Variants in GPR153 observed in about 807,000 individuals in gnomAD.
GPR153 encodes the protein G protein-coupled receptor 153.
GPR153 carries 27 observed loss-of-function variants against 34.1 expected under a neutral mutation model. The observed-to-expected ratio is 0.79, with a 90% CI of 0.58 to 1.09. GPR153 has a LOEUF of 1.09. Among genes scored for constraint, GPR153 ranks in the 50% least tolerant of loss-of-function variants. The pLI, the probability that GPR153 is intolerant of heterozygous loss-of-function variation, is 0.00. For missense variants in GPR153, 848 were observed against 860.2 expected (o/e 0.99, Z 0.18); for synonymous variants, 408 against 405.4 (o/e 1.01, Z -0.08).
chr1:6,260,383 C>CCA (rs1638646985), intron 1 of GPR153, among the ~76,000 whole-genome samples: 1 of 58,422 alleles, frequency 1.7e-5, no homozygotes, highest in African/African-American at 7.5e-5. Context: ...CGATCCCCCC[C>CCA]CCCCCCCGCA....
rs1375282316 is a variant in GPR153, at chr1:6,249,394, AG to A, written c.1773del (p.Ser592ProfsTer95). The A allele has an allele frequency of 7.3e-7, 1 of 1,365,196 alleles. No individual in the cohort carries two copies. Among genetic ancestry groups the A allele is most frequent in the Non-Finnish European group, 9.4e-7 (1 of 1,062,792 alleles). 84.6% of individuals were successfully genotyped at this position (1,365,196 alleles called of 1,614,324 possible). ...AGCGTGGCGTAGCCCGAGGACTCGG[AG>A]GGGGAACTCAGGAAGCTGCTGGTGC... ...GGSTSSFLSSPSESSGYATLH... is the reference protein window; with the variant it reads ...GGSTSSFLSSXSESSGYATLH... On this transcript the variant is annotated frameshift_variant, in exon 6 of 6. Transcript: ENST00000377893. LOFTEE classifies it high-confidence loss of function. The surrounding 1 kb of genome is among the most constrained non-coding windows in gnomAD (Gnocchi z 4.3).
At chr1:6,256,544 AT>A (rs1638572402) in intron 1 of GPR153, among the ~76,000 whole-genome samples, 3 of 151,604 alleles carry the variant, frequency 2.0e-5, no homozygotes, top group Middle Eastern at 6.8e-3. Context: ...ATTTTTTTGT[AT>A]TTTTAGTAGT....
rs143679794 is a variant in GPR153, at chr1:6,250,498, C to A, written c.1106G>T (p.Gly369Val). 1.9e-6 allele frequency: 3 copies of A among 1,609,556 alleles called. No homozygotes were observed. Among genetic ancestry groups the A allele is most frequent in the African/African-American group, 1.3e-5 (1 of 74,890 alleles). ...AKYEISALEG[G>V]LPQLYPLRPL... ...CCGCAGTGGGTAGAGCTGGGGCAGG[C>A]CCCCCTCCAGGGCGGAGATCTCATA... The change falls in exon 5 of 6, where the codon GGC becomes GTC. Residue 369 changes from glycine (G) to valine (V), a missense_variant. Transcript: ENST00000377893.
rs970980141 is a variant in GPR153, at chr1:6,249,000, C to T, written c.*338G>A. The stretch of plus-strand genomic sequence containing the variant: ...GTGGCCCTGTCTCAGGTTCCCTGCT[C>T]CCGACGTCCTGTTGCGCAGGGCTGG... On this transcript the variant is annotated 3_prime_UTR_variant, in exon 6 of 6. Transcript: ENST00000377893. The T allele has an allele frequency of 1.4e-5, 3 of 214,304 alleles. No individual in the cohort carries two copies. Among genetic ancestry groups the T allele is most frequent in the African/African-American group, 6.8e-5 (3 of 43,818 alleles). The allele number at this position is 214,304 out of a possible 1,614,324, so 13.3% of individuals were successfully genotyped here.
chr1:6,255,359 C>T lies in GPR153; in HGVS notation c.-109-345G>A, dbSNP rs1057393504. 2.0e-5 allele frequency among the ~76,000 whole-genome samples: 3 copies of T among 150,756 alleles called. No homozygotes were observed. The South Asian group carries it at 6.3e-4, about 32-fold the overall frequency. On this transcript the variant is annotated intron_variant, in intron 1 of 5. Coordinates refer to ENST00000377893, the MANE Select transcript of GPR153 (RefSeq NM_207370.4). ...GACTACAGGCGCCTGCCACCACACC[C>T]GGCTAATTTTTGTATTTTTAGTAGA...
At chr1:6,259,341 C>A (rs1276695551) in intron 1 of GPR153, among the ~76,000 whole-genome samples, 1 of 152,120 alleles carries the variant, frequency 6.6e-6, no homozygotes, top group Non-Finnish European at 1.5e-5. Context: ...AGTGAGTGCC[C>A]CCACAATTCA....
chr1:6,257,586 A>G (rs578107000), intron 1 of GPR153, among the ~76,000 whole-genome samples: 1 of 152,280 alleles, frequency 6.6e-6, no homozygotes, highest in East Asian at 1.9e-4. Context: ...TCTGGCACAC[A>G]CTGGGTGCTC....
At chr1:6,256,149 G>A (rs1376158549) in intron 1 of GPR153, among the ~76,000 whole-genome samples, 1 of 152,002 alleles carries the variant, frequency 6.6e-6, no homozygotes, top group Non-Finnish European at 1.5e-5. Context: ...CTTTACAAAA[G>A]GGCTTCCAGG....
In GPR153 at chr1:6,247,369, GT is replaced by G. The variant is rs1305512582; in HGVS notation, c.*1968del. 1 of 152,242 alleles carries G rather than the reference GT, an allele frequency of 6.6e-6. No individual in the cohort carries two copies. Among genetic ancestry groups the G allele is most frequent in the African/African-American group, 2.4e-5 (1 of 41,460 alleles). The allele number at this position is 152,242 out of a possible 1,614,324, so 9.4% of individuals were successfully genotyped here. ...AATGCCAGGTGCAAATCATAAGGAAGTTTTTATTGGGTCCTGTACAGAAGAG... is the reference window on the plus strand; with the variant it reads ...AATGCCAGGTGCAAATCATAAGGAAGTTTTATTGGGTCCTGTACAGAAGAG... On this transcript the variant is annotated 3_prime_UTR_variant, in exon 6 of 6. Transcript: ENST00000377893.
intron 4 of GPR153, 151 bp from the exon 5 acceptor site, chr1:6,250,775 T>C: frequency 1.8e-6 from 1 of 569,764 alleles, no homozygotes. Flanking sequence ...ATGGGAGGGG[T>C]TCTGGGTTCA....
Position 6,249,390 on chromosome 1 carries a change from T to G in GPR153, c.1778A>C (p.Glu593Ala). 1 of 1,372,698 alleles carries G rather than the reference T, an allele frequency of 7.3e-7. No individual in the cohort carries two copies. The highest frequency in any genetic ancestry group is 9.4e-7 in the Non-Finnish European group (1 of 1,069,222). 85.0% of individuals were successfully genotyped at this position (1,372,698 alleles called of 1,614,324 possible). A position where few individuals can be genotyped will look rare whatever the true frequency, so the allele number is the denominator to read the frequency against. Residue 593 changes from glutamate (E) to alanine (A), a missense_variant, in exon 6 of 6, where the codon GAG becomes GCG. Transcript: ENST00000377893. This position sits in a 1 kb window ranked among gnomAD's most constrained non-coding sequence, Gnocchi z 4.3. ...GTGCAGCGTGGCGTAGCCCGAGGAC[T>G]CGGAGGGGGAACTCAGGAAGCTGCT... ...STSSFLSSPSESSGYATLHSD... is the reference protein window; with the variant it reads ...STSSFLSSPSASSGYATLHSD...
chr1:6,251,660 TG>T lies in GPR153; in HGVS notation c.787-131del. On this transcript the variant is annotated intron_variant, in intron 3 of 5. Coordinates refer to ENST00000377893, the MANE Select transcript of GPR153 (RefSeq NM_207370.4). This position sits in a 1 kb window ranked among gnomAD's most constrained non-coding sequence, Gnocchi z 4.9. ...GTATCTGCCAAGGAGAAGGGGCCCT[TG>T]GGGAGAAAAGAGCTGGAGCGTGGCA... 1 of 1,065,838 alleles carries T rather than the reference TG, an allele frequency of 9.4e-7. No individual in the cohort carries two copies. Among genetic ancestry groups the T allele is most frequent in the South Asian group, 1.7e-5 (1 of 57,994 alleles). The allele number at this position is 1,065,838 out of a possible 1,614,324, so 66.0% of individuals were successfully genotyped here. A position where few individuals can be genotyped will look rare whatever the true frequency, so the allele number is the denominator to read the frequency against.
Position 6,251,968 on chromosome 1 carries a change from CCT to C in GPR153, c.787-440_787-439del, listed in dbSNP as rs1459263784. The stretch of plus-strand genomic sequence containing the variant: ...GAATCACTGTGCCCGGCTGCCATCC[CCT>C]TTTTGAGATGAGGAAACTGAGGCTT... On this transcript the variant is annotated intron_variant, in intron 3 of 5. Transcript: ENST00000377893. The surrounding 1 kb of genome is among the most constrained non-coding windows in gnomAD (Gnocchi z 4.9). 6.6e-6 allele frequency among the ~76,000 whole-genome samples: 1 copy of C among 152,156 alleles called. No individual in the cohort carries two copies. Among genetic ancestry groups the C allele is most frequent in the East Asian group, 1.9e-4 (1 of 5,186 alleles).
rs1638399417 is a variant in GPR153 at position 6,249,875 on chromosome 1, G to A, written c.1293C>T (p.Ala431=). 7 of 1,285,164 alleles carry A rather than the reference G, an allele frequency of 5.4e-6. No individual in the cohort carries two copies. Among genetic ancestry groups the A allele is most frequent in the Non-Finnish European group, 6.9e-6 (7 of 1,012,502 alleles). The allele number at this position is 1,285,164 out of a possible 1,614,324, so 79.6% of individuals were successfully genotyped here. The change falls in exon 6 of 6, where the codon GCC becomes GCT. Residue 431 remains alanine, a synonymous_variant. Transcript: ENST00000377893. The surrounding 1 kb of genome is among the most constrained non-coding windows in gnomAD (Gnocchi z 4.3). The stretch of plus-strand genomic sequence containing the variant: ...GGCTGGCGCGGCGCCGCTCGGGCCC[G>A]GCAGGCAGCACCAGGTGCGCCAGGG... ...LAALAHLVLP[A]GPERRRASLL... is the part of the protein sequence containing the mutation.
chr1:6,259,008 C>T (rs1041065262), intron 1 of GPR153, among the ~76,000 whole-genome samples: 12 of 152,242 alleles, frequency 7.9e-5, no homozygotes, highest in African/African-American at 2.9e-4. Flanking sequence ...TGCCTGTAAT[C>T]CTAGCACTCG....
chr1:6,254,593 A>G lies in GPR153; in HGVS notation c.313T>C (p.Ser105Pro). Residue 105 changes from serine (S) to proline (P), a missense_variant, in exon 2 of 6, where the codon TCC (serine) becomes CCC (proline). By Grantham distance (74) the Ser-to-Pro change is moderately conservative. Transcript: ENST00000377893. ...LATCFSVTSL[S>P]YHRMWMVCWP... ...CAGACCATCCACATGCGGTGGTAGG[A>G]GAGGGAGGTGACAGAGAAACAGGTG... 6.2e-7 allele frequency: 1 copy of G among 1,601,770 alleles called. No homozygotes were observed. Among genetic ancestry groups the G allele is most frequent in the African/African-American group, 1.3e-5 (1 of 74,860 alleles).
At chr1:6,259,759 A>G (rs1638632170) in intron 1 of GPR153, among the ~76,000 whole-genome samples, 1 of 152,104 alleles carries the variant, frequency 6.6e-6, no homozygotes, top group South Asian at 2.1e-4. Flanking sequence ...TGTGGGAACA[A>G]AGTGTCCCTC....
chr1:6,256,848 G>A (rs1638578368), intron 1 of GPR153, among the ~76,000 whole-genome samples: 1 of 151,966 alleles, frequency 6.6e-6, no homozygotes, highest in South Asian at 2.1e-4. Context: ...TAAGTACTGT[G>A]TTACAACAGC....
intron 3 of GPR153, among the ~76,000 whole-genome samples, chr1:6,253,458 G>C (rs982403001): frequency 6.6e-6 from 1 of 152,196 alleles, no homozygotes; most frequent in Non-Finnish European, 1.5e-5. Flanking sequence ...GGCAAGGGGA[G>C]TAAACTCTTC....
Sources: gnomAD v4.1 joint callset for allele counts (sites outside exome capture counted in the v4.1 genomes callset) on GRCh38, gnomAD v4.1.1 for gene constraint, Gnocchi (gnomAD v3.1) non-coding constraint, MANE v1.5 for transcripts, NCBI Gene and HGNC (gene_info 2026-07-23, HGNC 2026-07-21) for gene names.